Variants in MTCL1 observed in about 807,000 individuals in gnomAD.
MTCL1 encodes microtubule cross-linking factor 1.
A neutral mutation model predicts 141.4 loss-of-function variants in MTCL1; 79 were observed. That is an observed-to-expected ratio of 0.56 (90% CI 0.47 to 0.67). The LOEUF is 0.67. Among genes scored for constraint, MTCL1 ranks in the 30% least tolerant of loss-of-function variants. MTCL1 has a pLI of 0.00. For missense variants in MTCL1, 2,177 were observed against 2,113.9 expected, an observed-to-expected ratio of 1.03 and a Z score of -0.59; for synonymous variants, 914 against 875.8, an observed-to-expected ratio of 1.04 and a Z score of -0.77.
chr18:8,784,734 C>G (rs557587831), exon 6 of MTCL1: 3 of 1,614,020 alleles, frequency 1.9e-6, no homozygotes, highest in Middle Eastern at 1.6e-4. Context: ...GATGGCCTAT[C>G]CCCCTTGCCC....
At chr18:8,829,400 T>C (rs1291647488) in intron 16 of MTCL1, 3 of 985,044 alleles carry the variant, frequency 3.0e-6, no homozygotes, top group Non-Finnish European at 3.6e-6. Context: ...CCTAATGTGA[T>C]AAGGCTTTTG....
At chr18:8,831,943 A>G (rs2077204687) in exon 17 of MTCL1, 2 of 972,740 alleles carry the variant, frequency 2.1e-6, no homozygotes, top group Non-Finnish European at 3.0e-6. Flanking sequence ...AAGCTGCTGA[A>G]TGTTCAACCT....
At chr18:8,799,027 G>A (rs494980) in intron 10 of MTCL1, among the ~76,000 whole-genome samples, 123,511 of 152,202 alleles carry the variant, frequency 0.81, 50,456 homozygotes, top group Middle Eastern at 0.89. Flanking sequence ...GCTGCTCAGG[G>A]GGCTCCTGGA....
At chr18:8,796,088 A>G in intron 8 of MTCL1, 144 bp from the exon 8 acceptor site, 1 of 729,362 alleles carries the variant, frequency 1.4e-6, no homozygotes, top group Non-Finnish European at 2.3e-6. Flanking sequence ...CCTTTATCAA[A>G]CTGAACTTCT....
At position 8,727,390 on chromosome 18, in the gene MTCL1, A is replaced by G. The variant is rs149139563; in HGVS notation, c.357+6894A>G. Among the ~76,000 whole-genome samples the G allele has an allele frequency of 3.0e-3, 460 of 152,348 alleles. 5 individuals carry two copies. The highest frequency in any genetic ancestry group is 0.011 in the African/African-American group (443 of 41,574). ...CCTATACTGTTTTCCATAGAGCTGT[A>G]CTAATTTACATTCCTACTAACAGTG... On this transcript the variant is annotated intron_variant, in intron 4 of 16. Transcript: ENST00000359865.
intron 4 of MTCL1, among the ~76,000 whole-genome samples, chr18:8,752,994 C>G (rs1162244626): frequency 3.3e-5 from 5 of 152,132 alleles, no homozygotes; most frequent in Admixed American, 3.3e-4. Context: ...CTGACCTGCT[C>G]CTGTATAAAG....
At chr18:8,723,704 A>C (rs139423591) in intron 4 of MTCL1, among the ~76,000 whole-genome samples, 1 of 152,254 alleles carries the variant, frequency 6.6e-6, no homozygotes, top group East Asian at 1.9e-4. Flanking sequence ...TCTGTCTCCT[A>C]TTTGTGAAAC....
chr18:8,769,022 T>G (rs1326221107), intron 4 of MTCL1, among the ~76,000 whole-genome samples: 1 of 152,178 alleles, frequency 6.6e-6, no homozygotes, highest in African/African-American at 2.4e-5. Flanking sequence ...CTCGAGCTCC[T>G]GACCTCAGGT....
At chr18:8,817,410 A>G (rs918773281) in intron 12 of MTCL1, among the ~76,000 whole-genome samples, 11 of 152,236 alleles carry the variant, frequency 7.2e-5, no homozygotes, top group African/African-American at 2.4e-4. Flanking sequence ...TTGACTGTGA[A>G]CTGCCTCAGA....
intron 12 of MTCL1, among the ~76,000 whole-genome samples, 167 bp from the exon 12 acceptor site, chr18:8,818,793 ATGT>A (rs78406541): frequency 0.024 from 3,581 of 152,310 alleles, 101 homozygotes; most frequent in African/African-American, 0.073. Flanking sequence ...AGCATCTGTA[ATGT>A]TGTGTTACAT....
exon 1 of MTCL1, chr18:8,706,242 C>T: frequency 8.1e-7 from 1 of 1,228,280 alleles, no homozygotes; most frequent in Non-Finnish European, 1.0e-6. Flanking sequence ...CCTCGGTGGC[C>T]GGGTCCCCGG....
chr18:8,767,471 T>C (rs928392012), intron 4 of MTCL1, among the ~76,000 whole-genome samples: 1 of 152,098 alleles, frequency 6.6e-6, no homozygotes, highest in African/African-American at 2.4e-5. Flanking sequence ...GCAATTAGGG[T>C]TTCAGAGTTT....
At chr18:8,729,999 G>C (rs951965647) in intron 4 of MTCL1, among the ~76,000 whole-genome samples, 13 of 152,204 alleles carry the variant, frequency 8.5e-5, no homozygotes, top group African/African-American at 2.9e-4. Flanking sequence ...CTTAGGTCAA[G>C]CTTCATTTTT....
Position 8,785,923 on chromosome 18 carries a change from G to A in MTCL1, c.1732-13G>A, listed in dbSNP as rs371732946. The A allele has an allele frequency of 2.0e-4, 310 of 1,568,452 alleles. No individual in the cohort carries two copies. Among genetic ancestry groups the A allele is most frequent in the Non-Finnish European group, 2.5e-4 (289 of 1,161,218 alleles). ...AGAACAACAACAACAAATTCCTCCC[G>A]TGCACCTAACAGTCCAGACTGAAAG... is the stretch of plus-strand genomic sequence containing the variant. On this transcript the variant is annotated splice_polypyrimidine_tract_variant and intron_variant, in intron 6 of 16. Coordinates refer to ENST00000359865, the Ensembl canonical transcript of MTCL1.
chr18:8,747,297 A>C (rs958451876), intron 4 of MTCL1, among the ~76,000 whole-genome samples: 5 of 151,564 alleles, frequency 3.3e-5, no homozygotes, highest in African/African-American at 1.2e-4. Flanking sequence ...AGGGCATGCT[A>C]TCTGGAAAGG....
chr18:8,789,214 C>T (rs2075631786), intron 7 of MTCL1, among the ~76,000 whole-genome samples: 1 of 152,214 alleles, frequency 6.6e-6, no homozygotes, highest in African/African-American at 2.4e-5. Flanking sequence ...CGTGCCTCAG[C>T]TGTGAAATGC....
intron 4 of MTCL1, among the ~76,000 whole-genome samples, chr18:8,757,046 G>A (rs1357847433): frequency 6.6e-6 from 1 of 152,168 alleles, no homozygotes; most frequent in East Asian, 1.9e-4. Context: ...CCAAAGACTG[G>A]TAAGAGGACC....
intron 4 of MTCL1, among the ~76,000 whole-genome samples, chr18:8,761,406 A>G (rs1199040743): frequency 6.6e-6 from 1 of 152,238 alleles, no homozygotes; most frequent in East Asian, 1.9e-4. Flanking sequence ...TAAGTACATC[A>G]CAGTGTTGGG....
At chr18:8,755,087 G>A (rs934016854) in intron 4 of MTCL1, among the ~76,000 whole-genome samples, 2 of 152,196 alleles carry the variant, frequency 1.3e-5, no homozygotes, top group Non-Finnish European at 2.9e-5. Flanking sequence ...AACACCGCCT[G>A]TTGCACCAAA....
Sources: allele counts gnomAD v4.1 joint callset (sites outside exome capture counted in the v4.1 genomes callset), GRCh38; gene constraint gnomAD v4.1.1; transcripts MANE v1.5; gene names NCBI Gene and HGNC (gene_info 2026-07-23, HGNC 2026-07-21).